The following KDM4B variants were observed in gnomAD, a reference collection of about 807,000 sequenced individuals.
KDM4B encodes the protein lysine-specific demethylase 4B.
A neutral mutation model predicts 125.2 loss-of-function variants in KDM4B; 32 were observed. The ratio of observed to expected loss-of-function variants is 0.26; its 90% CI spans 0.19 to 0.34. The LOEUF (loss-of-function observed/expected upper bound fraction) is 0.34, where lower values mean the gene tolerates loss of function less well. Ranked by LOEUF, KDM4B falls within the 10% of genes least tolerant of loss-of-function variation. The pLI, the probability that KDM4B is intolerant of heterozygous loss-of-function variation, is 1.00. For synonymous variants in KDM4B, 721 were observed against 677.9 expected (o/e 1.06, Z -0.99); for missense variants, 1,190 against 1,577.7 (o/e 0.75, Z 4.16).
chr19:5,134,700 C>G (rs763821506), intron 14 of KDM4B, among the ~76,000 whole-genome samples: 80 of 152,356 alleles, frequency 5.3e-4, no homozygotes, highest in Non-Finnish European at 1.0e-3. Flanking sequence ...CAAGCATGTC[C>G]AGGCATCAGC....
At chr19:5,134,319 G>A (rs529197363) in intron 14 of KDM4B, among the ~76,000 whole-genome samples, 4 of 152,192 alleles carry the variant, frequency 2.6e-5, no homozygotes, top group Non-Finnish European at 5.9e-5. Flanking sequence ...GGAGGCTCGG[G>A]GTCACTGCCC....
At chr19:5,144,639 G>A (rs1232022993) in intron 20 of KDM4B, 144 bp from the exon 21 acceptor site, 28 of 1,230,244 alleles carry the variant, frequency 2.3e-5, no homozygotes, top group South Asian at 1.0e-4. Context: ...GCTCTGCACC[G>A]CCCCGCTACC....
intron 1 of KDM4B, among the ~76,000 whole-genome samples, chr19:4,993,305 A>T (rs927240143): frequency 6.6e-6 from 1 of 151,998 alleles, no homozygotes; most frequent in Non-Finnish European, 1.5e-5. Context: ...GCTACTCGGG[A>T]GGCTGAGGCA....
At chr19:5,031,007 G>A (rs773608593) in intron 2 of KDM4B, among the ~76,000 whole-genome samples, 13 of 152,176 alleles carry the variant, frequency 8.5e-5, no homozygotes, top group East Asian at 3.9e-4. Context: ...AGCTCCCATC[G>A]TGGCTACTGG....
chr19:4,969,559 A>G (rs2034172680), intron 1 of KDM4B, among the ~76,000 whole-genome samples: 1 of 151,326 alleles, frequency 6.6e-6, no homozygotes, highest in Admixed American at 6.6e-5. Flanking sequence ...GCCCCGCACA[A>G]AAGATGACAG....
Position 5,094,305 on chromosome 19 carries a change from G to A in KDM4B, c.918+11801G>A, listed in dbSNP as rs546250400. Among the ~76,000 whole-genome samples, 3 of 152,386 alleles carry A rather than the reference G, an allele frequency of 2.0e-5. No individual in the cohort carries two copies. In the South Asian group the frequency reaches 6.2e-4, roughly 32 times the overall value. On this transcript the variant is annotated intron_variant, in intron 9 of 22. Coordinates refer to ENST00000159111, the MANE Select transcript of KDM4B (RefSeq NM_015015.3). ...GGGTGCAGGATGCTGAGTAGCGCGG[G>A]GAACAGCACTGCTGGGGAGGAACGA...
Position 5,141,881 on chromosome 19 carries a change from G to T in KDM4B, c.2551-2086G>T, listed in dbSNP as rs1461124154. 6.6e-6 allele frequency among the ~76,000 whole-genome samples: 1 copy of T among 152,118 alleles called. No homozygotes were observed. Among genetic ancestry groups the T allele is most frequent in the African/African-American group, 2.4e-5 (1 of 41,410 alleles). On this transcript the variant is annotated intron_variant, in intron 18 of 22. Coordinates refer to ENST00000159111, the MANE Select transcript of KDM4B (RefSeq NM_015015.3). This position sits in a 1 kb window ranked among gnomAD's most constrained non-coding sequence, Gnocchi z 6.4. The stretch of plus-strand genomic sequence containing the variant: ...TGGGATGGGGGGAGGCGCCTCCAGG[G>T]CAGCAGGAGGGGTGGGCAGTTGCAC...
At chr19:5,050,915 T>A (rs1365033642) in intron 6 of KDM4B, among the ~76,000 whole-genome samples, 3 of 151,898 alleles carry the variant, frequency 2.0e-5, no homozygotes, top group South Asian at 2.1e-4. Context: ...AAATAAAAAA[T>A]AAATAAATAA....
intron 9 of KDM4B, among the ~76,000 whole-genome samples, chr19:5,100,031 C>A (rs910779247): frequency 1.3e-5 from 2 of 152,248 alleles, no homozygotes; most frequent in South Asian, 2.1e-4. Flanking sequence ...GAAGGCTGCA[C>A]CCATCCGTGG....
chr19:5,055,456 C>T (rs1001342413), intron 6 of KDM4B, among the ~76,000 whole-genome samples: 1 of 152,200 alleles, frequency 6.6e-6, no homozygotes, highest in African/African-American at 2.4e-5. Flanking sequence ...TGGGGACTTC[C>T]GGTGTTTGGA....
At chr19:5,031,591 GGCTGGGGCTCAGC>G (rs2036460837) in intron 2 of KDM4B, among the ~76,000 whole-genome samples, 1 of 152,230 alleles carries the variant, frequency 6.6e-6, no homozygotes, top group Admixed American at 6.5e-5. Context: ...GTGACGTCAG[GGCTGGGGCTCAGC>G]GCTGGGTATC....
rs2078422687 is a variant in KDM4B, at chr19:5,133,878, TC to T, written c.1907-4del. On this transcript the variant is annotated splice_polypyrimidine_tract_variant and splice_region_variant and intron_variant, in intron 13 of 22. Transcript: ENST00000159111. ...TCTCTCTCCCTCTCCCCTCTGTTCTTCTAGAGGCATCCCCTTTCTCCGGGGA... is the reference window on the plus strand; with the variant it reads ...TCTCTCTCCCTCTCCCCTCTGTTCTTTAGAGGCATCCCCTTTCTCCGGGGA... The T allele has an allele frequency of 6.2e-7, 1 of 1,612,360 alleles. No homozygotes were observed. Among genetic ancestry groups the T allele is most frequent in the African/African-American group, 1.3e-5 (1 of 74,904 alleles).
At chr19:5,037,435 G>A (rs1336975080) in intron 3 of KDM4B, among the ~76,000 whole-genome samples, 3 of 152,176 alleles carry the variant, frequency 2.0e-5, no homozygotes, top group African/African-American at 4.8e-5. Context: ...CTGCTCCCCT[G>A]AAATCTAAGA....
chr19:5,079,340 C>T (rs374019682), intron 8 of KDM4B, among the ~76,000 whole-genome samples: 7 of 152,322 alleles, frequency 4.6e-5, no homozygotes, highest in African/African-American at 1.7e-4. Context: ...ATGTTGACAG[C>T]AGTGACACAG....
At position 5,082,853 on chromosome 19, in the gene KDM4B, C is replaced by G. The variant is rs1474437653; in HGVS notation, c.918+349C>G. On this transcript the variant is annotated intron_variant, in intron 9 of 22. Transcript: ENST00000159111. This position sits in a 1 kb window ranked among gnomAD's most constrained non-coding sequence, Gnocchi z 5.4. ...TTTCCTCCACCAGCACCATTGTCCC[C>G]CCTGCTGGCTGGCTCCTGGGCATCT... Among the ~76,000 whole-genome samples the G allele has an allele frequency of 7.6e-6, 1 of 132,190 alleles. No homozygotes were observed. The highest frequency in any genetic ancestry group is 2.6e-5 in the African/African-American group (1 of 39,122). The allele number at this position is 132,190 out of a possible 152,430, so 86.7% of individuals were successfully genotyped here. A position where few individuals can be genotyped will look rare whatever the true frequency, so the allele number is the denominator to read the frequency against.
At chr19:5,139,101 T>G (rs1324505652) in intron 18 of KDM4B, among the ~76,000 whole-genome samples, 1 of 152,156 alleles carries the variant, frequency 6.6e-6, no homozygotes, top group Non-Finnish European at 1.5e-5. Context: ...TCCCAATTTT[T>G]TTTTAAAAGA....
chr19:4,969,382 C>T (rs1599318889), intron 1 of KDM4B, among the ~76,000 whole-genome samples, 152 bp downstream of exon 1: 1 of 69,642 alleles, frequency 1.4e-5, no homozygotes, highest in East Asian at 4.7e-4. Flanking sequence ...CGCGCTTTGT[C>T]CGGGCCGGCG....
At chr19:5,057,065 T>TGTGTGTGTGTGTGTGC (rs55806859) in intron 6 of KDM4B, among the ~76,000 whole-genome samples, 12 of 128,320 alleles carry the variant, frequency 9.4e-5, no homozygotes, top group African/African-American at 3.2e-4. Flanking sequence ...TGTGTGTGTG[T>TGTGTGTGTGTGTGTGC]GCGCGCGCGC....
chr19:5,017,492 C>T (rs1473754319), intron 2 of KDM4B, among the ~76,000 whole-genome samples: 1 of 152,170 alleles, frequency 6.6e-6, no homozygotes, highest in South Asian at 2.1e-4. Context: ...TGCAGAAAAC[C>T]ATGCGCCTCC....
Sources: allele counts gnomAD v4.1 joint callset (sites outside exome capture counted in the v4.1 genomes callset), GRCh38; gene constraint gnomAD v4.1.1; non-coding constraint Gnocchi (gnomAD v3.1); transcripts MANE v1.5; gene names NCBI Gene and HGNC (gene_info 2026-07-23, HGNC 2026-07-21).